The following ITGBL1 variants were observed in gnomAD, a reference collection of about 807,000 sequenced individuals.
The protein encoded by ITGBL1 is integrin beta-like protein 1.
A neutral mutation model predicts 68.5 loss-of-function variants in ITGBL1; 51 were observed. That is an observed-to-expected ratio of 0.74 (90% CI 0.59 to 0.94). The LOEUF (loss-of-function observed/expected upper bound fraction) is 0.94, where lower values mean the gene tolerates loss of function less well. ITGBL1 is among the 40% of genes least tolerant of loss of function. ITGBL1 has a pLI of 0.00. For synonymous variants in ITGBL1, 209 were observed against 227.3 expected (o/e 0.92, Z 0.72); for missense variants, 649 against 647.4 (o/e 1.00, Z -0.03).
intron 2 of ITGBL1, among the ~76,000 whole-genome samples, chr13:101,458,053 A>G (rs906395359): frequency 1.2e-4 from 18 of 152,220 alleles, no homozygotes; most frequent in Non-Finnish European, 1.8e-4. Context: ...ACACTTATGA[A>G]GCACTGCATA....
intron 7 of ITGBL1, among the ~76,000 whole-genome samples, chr13:101,629,936 C>A (rs959429576): frequency 1.3e-5 from 2 of 152,150 alleles, no homozygotes; most frequent in Non-Finnish European, 2.9e-5. Context: ...AATTCTCCTG[C>A]CTCAGCCTCC....
At chr13:101,620,568 C>G (rs980821752) in intron 7 of ITGBL1, among the ~76,000 whole-genome samples, 4 of 151,974 alleles carry the variant, frequency 2.6e-5, no homozygotes, top group African/African-American at 9.7e-5. Context: ...ATTTCTATAC[C>G]CTGAAAAGCC....
intron 2 of ITGBL1, among the ~76,000 whole-genome samples, chr13:101,527,685 A>G (rs2049403549): frequency 6.6e-6 from 1 of 152,038 alleles, no homozygotes; most frequent in African/African-American, 2.4e-5. Flanking sequence ...TGTTTTTTTC[A>G]GAGTTTTAAT....
chr13:101,712,394 C>T (rs957748209), intron 9 of ITGBL1: 3 of 152,160 alleles, frequency 2.0e-5, no homozygotes, highest in Admixed American at 2.0e-4. Flanking sequence ...GCTGAGCTTA[C>T]CAGTTTTCTG....
intron 7 of ITGBL1, among the ~76,000 whole-genome samples, chr13:101,612,516 A>G (rs555313187): frequency 2.5e-4 from 38 of 152,044 alleles, no homozygotes; most frequent in Non-Finnish European, 5.4e-4. Context: ...TACAGTTGCA[A>G]TGGTGAGAGA....
intron 2 of ITGBL1, among the ~76,000 whole-genome samples, chr13:101,529,474 T>G (rs2049435975): frequency 6.6e-6 from 1 of 152,170 alleles, no homozygotes; most frequent in Non-Finnish European, 1.5e-5. Context: ...CAACTGGGCA[T>G]CCAGAAAGAA....
intron 2 of ITGBL1, among the ~76,000 whole-genome samples, chr13:101,564,545 TATATATAACA>T (rs2050151351): frequency 6.6e-6 from 1 of 150,746 alleles, no homozygotes; most frequent in African/African-American, 2.4e-5. Context: ...TACATATATG[TATATATAACA>T]ATATATAACA....
At chr13:101,605,081 T>C (rs538437502) in intron 7 of ITGBL1, among the ~76,000 whole-genome samples, 23 of 146,072 alleles carry the variant, frequency 1.6e-4, no homozygotes, top group African/African-American at 5.5e-4. Flanking sequence ...TATACATATA[T>C]GCGTATATGT....
At chr13:101,537,213 A>G (rs1226573376) in intron 2 of ITGBL1, among the ~76,000 whole-genome samples, 1 of 152,072 alleles carries the variant, frequency 6.6e-6, no homozygotes, top group African/African-American at 2.4e-5. Context: ...ATATTATATC[A>G]GCTCTGACTG....
chr13:101,533,736 T>A (rs563622335), intron 2 of ITGBL1, among the ~76,000 whole-genome samples: 4 of 146,816 alleles, frequency 2.7e-5, no homozygotes, highest in Non-Finnish European at 6.0e-5. Context: ...TGATTTCCAA[T>A]GCTGAAGTAC....
intron 2 of ITGBL1, among the ~76,000 whole-genome samples, chr13:101,540,227 G>A (rs1290192603): frequency 2.0e-5 from 3 of 152,130 alleles, no homozygotes; most frequent in African/African-American, 7.2e-5. Flanking sequence ...ATTAATTTTT[G>A]TATAAGGTGT....
At chr13:101,537,147 C>G (rs904490199) in intron 2 of ITGBL1, among the ~76,000 whole-genome samples, 9 of 151,982 alleles carry the variant, frequency 5.9e-5, no homozygotes, top group Admixed American at 1.3e-4. Context: ...TCTCCTGAGA[C>G]ATGTGAAATT....
chr13:101,575,737 G>T (rs2050348625), intron 4 of ITGBL1, among the ~76,000 whole-genome samples, 191 bp downstream of exon 4: 1 of 152,094 alleles, frequency 6.6e-6, no homozygotes, highest in African/African-American at 2.4e-5. Context: ...CTTTTTAGAT[G>T]CAAAGCCAAA....
In ITGBL1 at chr13:101,651,350, C is replaced by T. The variant is rs117498552; in HGVS notation, c.1016-41235C>T. Reference sequence around the variant, plus strand: ...TTAATAAAGGCTATTCTGACTGGTACGAGATGGTATCTCATTGTAGTTTTG... The same window carrying T: ...TTAATAAAGGCTATTCTGACTGGTATGAGATGGTATCTCATTGTAGTTTTG... On this transcript the variant is annotated intron_variant, in intron 7 of 10. Coordinates refer to ENST00000376180, the MANE Select transcript of ITGBL1 (RefSeq NM_004791.3). Among the ~76,000 whole-genome samples the T allele has an allele frequency of 9.5e-3, 1,443 of 152,166 alleles. 11 individuals are homozygous for T. Among genetic ancestry groups the T allele is most frequent in the Non-Finnish European group, 0.015 (1,010 of 67,996 alleles).
At chr13:101,501,462 C>T (rs763850442) in intron 2 of ITGBL1, among the ~76,000 whole-genome samples, 4 of 152,096 alleles carry the variant, frequency 2.6e-5, no homozygotes, top group Non-Finnish European at 5.9e-5. Context: ...CCAGGCAAAA[C>T]CAAGGAAGAG....
chr13:101,654,543 C>T (rs1030890773), intron 7 of ITGBL1, among the ~76,000 whole-genome samples: 1 of 152,040 alleles, frequency 6.6e-6, no homozygotes, highest in African/African-American at 2.4e-5. Flanking sequence ...CATTTTTGGT[C>T]TGAGTTACTG....
At chr13:101,490,142 G>A (rs534832164) in intron 2 of ITGBL1, 18 of 607,642 alleles carry the variant, frequency 3.0e-5, no homozygotes, top group Non-Finnish European at 4.6e-5. Flanking sequence ...ATTAGGTTTA[G>A]TTGAGTACAT....
intron 6 of ITGBL1, among the ~76,000 whole-genome samples, chr13:101,595,057 G>T (rs1488278525): frequency 2.0e-5 from 3 of 152,118 alleles, no homozygotes; most frequent in African/African-American, 7.2e-5. Flanking sequence ...CTGGGCAATA[G>T]AGTGAGACTG....
At chr13:101,531,157 G>A (rs973624552) in intron 2 of ITGBL1, among the ~76,000 whole-genome samples, 3 of 151,884 alleles carry the variant, frequency 2.0e-5, no homozygotes, top group Admixed American at 2.0e-4. Flanking sequence ...TGTAACTGTT[G>A]ATTTTAAAAA....
Sources: gnomAD v4.1 joint callset for allele counts (sites outside exome capture counted in the v4.1 genomes callset) on GRCh38, gnomAD v4.1.1 for gene constraint, MANE v1.5 for transcripts, NCBI Gene and HGNC (gene_info 2026-07-23, HGNC 2026-07-21) for gene names.